The following CCDC81 variants were observed in gnomAD, a reference collection of about 807,000 sequenced individuals.
CCDC81 encodes the protein coiled-coil domain-containing protein 81.
CCDC81 carries 79 observed loss-of-function variants against 83.7 expected under a neutral mutation model. The observed-to-expected ratio is 0.94, with a 90% CI of 0.79 to 1.14. The LOEUF (loss-of-function observed/expected upper bound fraction) is 1.14, where lower values mean the gene tolerates loss of function less well. Among genes scored for constraint, CCDC81 ranks in the 50% most tolerant of loss-of-function variants. CCDC81 has a pLI of 0.00. For synonymous variants in CCDC81, 252 were observed against 278.1 expected (o/e 0.91, Z 0.93); for missense variants, 791 against 778.1 (o/e 1.02, Z -0.20).
In CCDC81 at chr11:86,420,034, G is replaced by C; in HGVS notation, c.1798G>C (p.Glu600Gln). The C allele has an allele frequency of 1.2e-6, 2 of 1,613,696 alleles. No individual in the cohort carries two copies. The highest frequency in any genetic ancestry group is 1.7e-6 in the Non-Finnish European group (2 of 1,179,870). The change falls in exon 14 of 15, where the codon GAG becomes CAG. Residue 600 changes from glutamate (E) to glutamine (Q), a missense_variant. Transcript: ENST00000445632. ...SAAMKKQRDL[E>Q]DKAFERASDK... ...TGCGATGAAGAAGCAGCGAGACCTG[G>C]AGGACAAGGCTTTTGAACGGTAATG... is the stretch of plus-strand genomic sequence containing the variant.
chr11:86,383,939 A>C (rs1948206680), intron 1 of CCDC81, among the ~76,000 whole-genome samples: 1 of 152,230 alleles, frequency 6.6e-6, no homozygotes, highest in Admixed American at 6.5e-5. Flanking sequence ...GGAATAAAAC[A>C]GTACAGTGGG....
At chr11:86,405,889 A>C (rs555143586) in intron 7 of CCDC81, among the ~76,000 whole-genome samples, 2 of 149,818 alleles carry the variant, frequency 1.3e-5, no homozygotes, top group Non-Finnish European at 3.0e-5. Context: ...CAGCCTCCTG[A>C]GTAGTTGGGA....
intron 1 of CCDC81, among the ~76,000 whole-genome samples, chr11:86,377,058 T>C (rs1438789300): frequency 6.6e-6 from 1 of 152,226 alleles, no homozygotes; most frequent in Non-Finnish European, 1.5e-5. Flanking sequence ...CCTTTTCAGA[T>C]TGGCTTCTTT....
At chr11:86,417,164 A>G (rs1470351032) in intron 13 of CCDC81, among the ~76,000 whole-genome samples, 1 of 150,462 alleles carries the variant, frequency 6.6e-6, no homozygotes, top group African/African-American at 2.5e-5. Context: ...GAATGCTTGA[A>G]CCTGGGAGGC....
At chr11:86,394,538 TGTGA>T (rs1294210940) in intron 4 of CCDC81, among the ~76,000 whole-genome samples, 1 of 152,184 alleles carries the variant, frequency 6.6e-6, no homozygotes, top group Non-Finnish European at 1.5e-5. Context: ...TGTGAAGTGG[TGTGA>T]GTGAGAGTTT....
At chr11:86,407,921 A>G (rs1948583942) in intron 8 of CCDC81, among the ~76,000 whole-genome samples, 1 of 152,232 alleles carries the variant, frequency 6.6e-6, no homozygotes, top group African/African-American at 2.4e-5. Context: ...TTCAGCTGCT[A>G]TAAATACTTC....
At chr11:86,403,154 T>A (rs1232049764) in intron 7 of CCDC81, among the ~76,000 whole-genome samples, 2 of 151,712 alleles carry the variant, frequency 1.3e-5, no homozygotes, top group East Asian at 1.9e-4. Context: ...ACACCTGGCC[T>A]GCATTTATTT....
intron 1 of CCDC81, among the ~76,000 whole-genome samples, chr11:86,384,471 T>A (rs2138496281): frequency 6.6e-6 from 1 of 152,304 alleles, no homozygotes; most frequent in South Asian, 2.1e-4. Context: ...ATCACCAAAC[T>A]TGTTCCCAGA....
At chr11:86,396,472 C>A (rs1329859104) in intron 5 of CCDC81, among the ~76,000 whole-genome samples, 2 of 152,080 alleles carry the variant, frequency 1.3e-5, no homozygotes, top group Non-Finnish European at 2.9e-5. Flanking sequence ...TGGGGAATAA[C>A]AACTAGCTTC....
intron 1 of CCDC81, among the ~76,000 whole-genome samples, chr11:86,383,480 C>G (rs182827381): frequency 9.9e-4 from 151 of 152,190 alleles, no homozygotes; most frequent in African/African-American, 3.6e-3. Context: ...TGTTACTTGG[C>G]ACGGTGTTTA....
At chr11:86,404,360 C>T (rs1948536209) in intron 7 of CCDC81, among the ~76,000 whole-genome samples, 1 of 152,178 alleles carries the variant, frequency 6.6e-6, no homozygotes, top group Non-Finnish European at 1.5e-5. Context: ...CTGCTATGCC[C>T]ATCCATTTGC....
At chr11:86,388,448 C>A (rs1237800896) in intron 3 of CCDC81, among the ~76,000 whole-genome samples, 1 of 152,080 alleles carries the variant, frequency 6.6e-6, no homozygotes, top group Non-Finnish European at 1.5e-5. Flanking sequence ...TCCTGATTGT[C>A]CCCGCCCCCA....
intron 7 of CCDC81, among the ~76,000 whole-genome samples, chr11:86,405,679 G>C (rs1948555889): frequency 6.6e-6 from 1 of 151,330 alleles, no homozygotes; most frequent in South Asian, 2.1e-4. Flanking sequence ...GTTCCAATTT[G>C]GTTTTAAGTG....
At chr11:86,398,927 C>T (rs1948445825) in intron 6 of CCDC81, among the ~76,000 whole-genome samples, 1 of 152,168 alleles carries the variant, frequency 6.6e-6, no homozygotes, top group Admixed American at 6.6e-5. Flanking sequence ...TGCCAGGCCA[C>T]ACTTTGAGGA....
intron 7 of CCDC81, among the ~76,000 whole-genome samples, chr11:86,401,991 C>T (rs1044823309): frequency 3.3e-5 from 5 of 151,704 alleles, no homozygotes; most frequent in East Asian, 1.9e-4. Flanking sequence ...AAAAATTACC[C>T]GGGTGTGGTG....
intron 11 of CCDC81, among the ~76,000 whole-genome samples, chr11:86,413,491 C>T (rs1022183247): frequency 1.3e-5 from 2 of 151,948 alleles, no homozygotes; most frequent in African/African-American, 4.8e-5. Context: ...ACTTCCATAT[C>T]GTTTAAAGGG....
At chr11:86,411,632 A>C (rs994879275) in intron 10 of CCDC81, among the ~76,000 whole-genome samples, 22 of 152,238 alleles carry the variant, frequency 1.4e-4, no homozygotes, top group Non-Finnish European at 7.4e-5. Context: ...ATGATTTCGC[A>C]TGCACTCAGA....
intron 14 of CCDC81, among the ~76,000 whole-genome samples, chr11:86,422,323 T>C (rs1056240250): frequency 1.3e-5 from 2 of 151,858 alleles, no homozygotes; most frequent in African/African-American, 4.8e-5. Context: ...TGGGCTTGGG[T>C]GGTTGAGGCT....
chr11:86,417,180 T>C (rs929782338), intron 13 of CCDC81, among the ~76,000 whole-genome samples: 3 of 151,226 alleles, frequency 2.0e-5, no homozygotes, highest in African/African-American at 7.3e-5. Context: ...GAGGCAGAGG[T>C]TGCAGTGAGC....
Sources: allele counts gnomAD v4.1 joint callset (sites outside exome capture counted in the v4.1 genomes callset), GRCh38; gene constraint gnomAD v4.1.1; transcripts MANE v1.5; gene names NCBI Gene and HGNC (gene_info 2026-07-23, HGNC 2026-07-21).